GULP1: variants seen among roughly 807,000 people sequenced by gnomAD.
GULP1 encodes GULP PTB domain containing engulfment adaptor 1.
GULP1 carries 19 observed loss-of-function variants against 40.9 expected under a neutral mutation model. The ratio of observed to expected loss-of-function variants is 0.46; its 90% CI spans 0.32 to 0.68. GULP1 has a LOEUF of 0.68. Ranked by LOEUF, GULP1 falls within the 30% of genes least tolerant of loss-of-function variation. The pLI is 0.03. For missense variants in GULP1, 312 were observed against 362.2 expected (o/e 0.86, Z 1.12); for synonymous variants, 119 against 117.6 (o/e 1.01, Z -0.08).
intron 1 of GULP1, among the ~76,000 whole-genome samples, chr2:188,353,376 A>T (rs906255716): frequency 1.3e-5 from 2 of 152,118 alleles, no homozygotes; most frequent in African/African-American, 4.8e-5. Context: ...CAGAGTTGTT[A>T]GTTAACTTGC....
At chr2:188,438,973 C>CCTTT (rs1250110118) in intron 2 of GULP1, among the ~76,000 whole-genome samples, 1 of 151,808 alleles carries the variant, frequency 6.6e-6, no homozygotes, top group Non-Finnish European at 1.5e-5. Context: ...TGGAACCAAT[C>CCTTT]CTTTCTTAAA....
At chr2:188,337,600 G>A (rs2042442265) in intron 1 of GULP1, among the ~76,000 whole-genome samples, 1 of 151,730 alleles carries the variant, frequency 6.6e-6, no homozygotes, top group South Asian at 2.1e-4. Context: ...TGTTACCAGG[G>A]AAAGCCATGG....
intron 9 of GULP1, among the ~76,000 whole-genome samples, chr2:188,580,691 C>G (rs1701134003): frequency 6.6e-6 from 1 of 152,170 alleles, no homozygotes; most frequent in African/African-American, 2.4e-5. Context: ...TCAATTTAAT[C>G]TCTCACTTTA....
chr2:188,439,561 T>C (rs889561496), intron 2 of GULP1, among the ~76,000 whole-genome samples: 1 of 152,056 alleles, frequency 6.6e-6, no homozygotes, highest in Non-Finnish European at 1.5e-5. Flanking sequence ...TATGCATGTG[T>C]GTACACATAT....
At chr2:188,427,701 G>A (rs1048785293) in intron 2 of GULP1, among the ~76,000 whole-genome samples, 11 of 152,204 alleles carry the variant, frequency 7.2e-5, no homozygotes, top group Admixed American at 2.0e-4. Flanking sequence ...GATTTCAGAG[G>A]ATATATAGAA....
chr2:188,431,748 A>G (rs1405080225), intron 2 of GULP1, among the ~76,000 whole-genome samples: 1 of 152,062 alleles, frequency 6.6e-6, no homozygotes, highest in Non-Finnish European at 1.5e-5. Context: ...GTAGATATCC[A>G]TCTGCCTTAA....
chr2:188,589,428 A>G (rs1013948254), intron 11 of GULP1: 12 of 201,484 alleles, frequency 6.0e-5, no homozygotes, highest in African/African-American at 2.8e-4. Flanking sequence ...GACATGTACT[A>G]TCTGGTACTA....
intron 7 of GULP1, among the ~76,000 whole-genome samples, chr2:188,566,813 A>AG: frequency 6.6e-6 from 1 of 150,752 alleles, no homozygotes; most frequent in East Asian, 1.9e-4. Flanking sequence ...AAAAAAAAAA[A>AG]AAAAAAAGGG....
intron 2 of GULP1, among the ~76,000 whole-genome samples, chr2:188,385,166 G>A (rs2049526740): frequency 2.0e-5 from 3 of 152,140 alleles, no homozygotes; most frequent in African/African-American, 7.2e-5. Flanking sequence ...TACTCCTGCA[G>A]CAAACTTCTG....
At position 188,453,854 on chromosome 2, in the gene GULP1, C is replaced by T. The variant is rs1391237537; in HGVS notation, c.-44-23805C>T. ...AAGGTTTCCAGCAGGAAAAGATATT[C>T]TAGGTTACATGTGTGAATTTTGCTA... On this transcript the variant is annotated intron_variant, in intron 2 of 11. Transcript: ENST00000409830. 2.0e-5 allele frequency among the ~76,000 whole-genome samples: 3 copies of T among 152,294 alleles called. No homozygotes were observed. The East Asian group carries it at 5.8e-4, about 29-fold the overall frequency.
At chr2:188,514,992 A>G (rs1468087270) in intron 4 of GULP1, among the ~76,000 whole-genome samples, 1 of 152,220 alleles carries the variant, frequency 6.6e-6, no homozygotes. Flanking sequence ...GAGCTATTAC[A>G]AAGAGAGCTA....
intron 1 of GULP1, among the ~76,000 whole-genome samples, chr2:188,369,001 C>T (rs1225650459): frequency 7.1e-6 from 1 of 140,546 alleles, no homozygotes; most frequent in Non-Finnish European, 1.5e-5. Flanking sequence ...CTCACTCTGT[C>T]GCCCAGGCTG....
chr2:188,529,408 A>C (rs1401409930), intron 6 of GULP1, among the ~76,000 whole-genome samples: 2 of 152,146 alleles, frequency 1.3e-5, no homozygotes, highest in Non-Finnish European at 2.9e-5. Context: ...TAATATTAAT[A>C]ACTTATGTTA....
At chr2:188,572,280 A>G (rs189073640) in intron 9 of GULP1, among the ~76,000 whole-genome samples, 2 of 152,328 alleles carry the variant, frequency 1.3e-5, no homozygotes, top group Admixed American at 6.5e-5. Context: ...AGCAATTCTC[A>G]TTAGTAGAGC....
intron 1 of GULP1, among the ~76,000 whole-genome samples, chr2:188,374,424 A>G (rs2048027928): frequency 6.6e-6 from 1 of 152,164 alleles, no homozygotes; most frequent in South Asian, 2.1e-4. Context: ...AGAAAGTTCT[A>G]GAGTGGTCCT....
chr2:188,511,955 G>A (rs989632173), intron 4 of GULP1, among the ~76,000 whole-genome samples: 1 of 151,890 alleles, frequency 6.6e-6, no homozygotes, highest in African/African-American at 2.4e-5. Flanking sequence ...CAGGATTATA[G>A]TTTTGATTAA....
At chr2:188,518,656 C>T (rs796767413) in intron 4 of GULP1, among the ~76,000 whole-genome samples, 2 of 152,244 alleles carry the variant, frequency 1.3e-5, no homozygotes, top group African/African-American at 4.8e-5. Context: ...GAAGATGGGT[C>T]TCTGAGTTGA....
chr2:188,513,219 A>G (rs768331347), intron 4 of GULP1, among the ~76,000 whole-genome samples: 41 of 152,168 alleles, frequency 2.7e-4, no homozygotes, highest in Non-Finnish European at 5.0e-4. Flanking sequence ...ACTATATGCC[A>G]TGCTGTTATA....
Position 188,341,411 on chromosome 2 carries a change from C to T in GULP1, c.-171-42352C>T, listed in dbSNP as rs560285578. ...GAAATCCACTCCTGTCATCCAATCA[C>T]CTCCCACAAGGCTCCACCTCCAATA... On this transcript the variant is annotated intron_variant, in intron 1 of 11. Coordinates refer to ENST00000409830, the MANE Select transcript of GULP1 (RefSeq NM_016315.4). 1.4e-4 allele frequency among the ~76,000 whole-genome samples: 21 copies of T among 152,174 alleles called. No individual in the cohort carries two copies. The East Asian group carries it at 3.7e-3, about 27-fold the overall frequency.
Sources: allele counts gnomAD v4.1 joint callset (sites outside exome capture counted in the v4.1 genomes callset), GRCh38; gene constraint gnomAD v4.1.1; transcripts MANE v1.5; gene names NCBI Gene and HGNC (gene_info 2026-07-23, HGNC 2026-07-21).